Variants in ZNF57 observed in about 807,000 individuals in gnomAD.
The protein encoded by ZNF57 is zinc finger protein 424.
Under a neutral mutation model 13.4 loss-of-function variants are expected in ZNF57, and 11 were observed. The observed-to-expected ratio is 0.82, with a 90% CI of 0.52 to 1.36. ZNF57 has a LOEUF of 1.36. Ranked by LOEUF, ZNF57 falls within the 40% of genes most tolerant of loss-of-function variation. The pLI is 0.00. For missense variants in ZNF57, 696 were observed against 667.5 expected, an observed-to-expected ratio of 1.04 and a Z score of -0.47; for synonymous variants, 224 against 238.5, an observed-to-expected ratio of 0.94 and a Z score of 0.56.
intron 1 of ZNF57, among the ~76,000 whole-genome samples, chr19:2,908,996 A>C (rs532901096): frequency 6.6e-6 from 1 of 152,126 alleles, no homozygotes; most frequent in African/African-American, 2.4e-5. Context: ...CTCACTGGGC[A>C]TGTTTTCAGG....
At chr19:2,916,372 T>A (rs1599604429) in intron 3 of ZNF57, 123 bp downstream of exon 3, 41 of 877,280 alleles carry the variant, frequency 4.7e-5, no homozygotes, top group Admixed American at 6.7e-5. Context: ...AAAAAAAAAA[T>A]TTGTATTTGA....
At chr19:2,909,281 G>GTTTTTTTTT (rs753880478) in intron 1 of ZNF57, among the ~76,000 whole-genome samples, 3 of 107,166 alleles carry the variant, frequency 2.8e-5, no homozygotes, top group Non-Finnish European at 3.6e-5. Context: ...ATTTATTTTT[G>GTTTTTTTTT]TTTTTTTTTT....
In ZNF57 at chr19:2,913,022, C is replaced by G. The variant is rs552795257; in HGVS notation, c.4-2500C>G. ...AGGCTGGAGTGCAATGGTGCGATCT[C>G]GGCTCACTGCAACCTCTGCCTCCTG... On this transcript the variant is annotated intron_variant, in intron 1 of 3. Transcript: ENST00000306908. Among the ~76,000 whole-genome samples the G allele has an allele frequency of 2.2e-4, 34 of 152,284 alleles. 1 individual carries two copies. The highest frequency in any genetic ancestry group is 7.7e-4 in the African/African-American group (32 of 41,562).
intron 1 of ZNF57, among the ~76,000 whole-genome samples, chr19:2,901,812 C>G (rs536186544): frequency 1.3e-5 from 2 of 152,146 alleles, no homozygotes; most frequent in Non-Finnish European, 2.9e-5. Context: ...CCACCGCGCC[C>G]GGCAATCATT....
intron 1 of ZNF57, among the ~76,000 whole-genome samples, chr19:2,904,234 C>G (rs531482646): frequency 1.3e-5 from 2 of 152,324 alleles, no homozygotes; most frequent in East Asian, 3.9e-4. Context: ...TCTGTGGTTT[C>G]TTTCCTTTGC....
rs187243424 is a variant in ZNF57, at chr19:2,912,586, T to G, written c.4-2936T>G. ...AGGGGGCAGAGCTTGCCTTGTGACATCAGTTCTCTGAAGGATGGAAGAAGA... is the reference window on the plus strand; with the variant it reads ...AGGGGGCAGAGCTTGCCTTGTGACAGCAGTTCTCTGAAGGATGGAAGAAGA... On this transcript the variant is annotated intron_variant, in intron 1 of 3. Coordinates refer to ENST00000306908, the MANE Select transcript of ZNF57 (RefSeq NM_173480.3). Among the ~76,000 whole-genome samples the G allele has an allele frequency of 1.1e-3, 170 of 152,354 alleles. 2 individuals carry two copies. The Middle Eastern group carries it at 0.02, about 18-fold the overall frequency.
At chr19:2,902,055 C>G (rs866019134) in intron 1 of ZNF57, among the ~76,000 whole-genome samples, 1 of 149,716 alleles carries the variant, frequency 6.7e-6, no homozygotes, top group African/African-American at 2.5e-5. Flanking sequence ...GCGAGGAGGA[C>G]GTATCGTACA....
chr19:2,903,139 T>A (rs1026308068), intron 1 of ZNF57, among the ~76,000 whole-genome samples: 1 of 152,212 alleles, frequency 6.6e-6, no homozygotes, highest in Non-Finnish European at 1.5e-5. Flanking sequence ...GATGTGCTTG[T>A]GGGCGTTTTA....
At chr19:2,903,139 T>C (rs1026308068) in intron 1 of ZNF57, among the ~76,000 whole-genome samples, 1 of 152,212 alleles carries the variant, frequency 6.6e-6, no homozygotes, top group Non-Finnish European at 1.5e-5. Flanking sequence ...GATGTGCTTG[T>C]GGGCGTTTTA....
intron 1 of ZNF57, among the ~76,000 whole-genome samples, chr19:2,904,323 A>G (rs2088055304): frequency 6.6e-6 from 1 of 152,048 alleles, no homozygotes; most frequent in African/African-American, 2.4e-5. Flanking sequence ...GGTTAATTCA[A>G]GTGTGTTCAT....
chr19:2,917,532 G>C lies in ZNF57; in HGVS notation c.911G>C (p.Gly304Ala). 2 of 1,613,968 alleles carry C rather than the reference G, an allele frequency of 1.2e-6. No homozygotes were observed. Among genetic ancestry groups the C allele is most frequent in the Non-Finnish European group, 8.5e-7 (1 of 1,179,956 alleles). ...AFQRHEKTHTGEKPYECKQCG... is the reference protein window; with the variant it reads ...AFQRHEKTHTAEKPYECKQCG... ...CAAAGACATGAGAAGACGCACACGG[G>C]AGAGAAGCCCTATGAATGCAAGCAG... The change falls in exon 4 of 4, where the codon GGA (glycine) becomes GCA (alanine). Residue 304 changes from glycine (G) to alanine (A), a missense_variant. Coordinates refer to ENST00000306908, the MANE Select transcript of ZNF57 (RefSeq NM_173480.3).
intron 1 of ZNF57, among the ~76,000 whole-genome samples, chr19:2,904,314 G>A (rs2088055271): frequency 1.3e-5 from 2 of 152,154 alleles, no homozygotes; most frequent in Admixed American, 1.3e-4. Context: ...TCAGGCTTGG[G>A]TTAATTCAAG....
At position 2,917,205 on chromosome 19, in the gene ZNF57, C is replaced by A. The variant is rs776263939; in HGVS notation, c.584C>A (p.Pro195Gln). 6.2e-7 allele frequency: 1 copy of A among 1,614,178 alleles called. No homozygotes were observed. The highest frequency in any genetic ancestry group is 8.5e-7 in the Non-Finnish European group (1 of 1,180,040). ...SHGRTDTEEK[P>Q]YKCQACGQTF... ...GGAAGAACTGACACTGAGGAGAAGC[C>A]GTATAAGTGTCAAGCATGTGGGCAA... The change falls in exon 4 of 4, where the codon CCG (proline) becomes CAG (glutamine). Residue 195 changes from proline (P) to glutamine (Q), a missense_variant. Physicochemically the swap from Pro to Gln is moderately conservative, Grantham distance 76. Around this residue, in one of 3 missense-constraint regions of ZNF57, gnomAD observed 645 missense variants for 591.5 expected, o/e 1.09. Transcript: ENST00000306908.
At chr19:2,904,934 CTT>C (rs1193178863) in intron 1 of ZNF57, among the ~76,000 whole-genome samples, 1 of 152,168 alleles carries the variant, frequency 6.6e-6, no homozygotes, top group Non-Finnish European at 1.5e-5. Flanking sequence ...GGGCTCTGCT[CTT>C]GTCATTCACA....
chr19:2,914,203 T>C (rs1358410614), intron 1 of ZNF57, among the ~76,000 whole-genome samples: 1 of 152,162 alleles, frequency 6.6e-6, no homozygotes. Flanking sequence ...GAAAAAAGAA[T>C]GGGTGTTTAT....
intron 1 of ZNF57, among the ~76,000 whole-genome samples, chr19:2,909,187 A>G (rs953325602): frequency 1.3e-5 from 2 of 151,834 alleles, no homozygotes; most frequent in Non-Finnish European, 2.9e-5. Context: ...AATGTTTTCA[A>G]ATTTCTTCAG....
chr19:2,900,938 C>T lies in ZNF57; in HGVS notation c.-108C>T, dbSNP rs1003473067. On this transcript the variant is annotated 5_prime_UTR_variant, in exon 1 of 4. Transcript: ENST00000306908. Reference sequence around the variant, plus strand: ...GCGGGACGTTTCGTCCTCCCTGCCGCGCGTGCCCTGCCTACCACGAGCGGC... The same window carrying T: ...GCGGGACGTTTCGTCCTCCCTGCCGTGCGTGCCCTGCCTACCACGAGCGGC... The T allele has an allele frequency of 3.8e-5, 54 of 1,436,866 alleles. No homozygotes were observed. The South Asian group carries it at 5.1e-4, about 13-fold the overall frequency. The allele number at this position is 1,436,866 out of a possible 1,614,324, so 89.0% of individuals were successfully genotyped here. A position where few individuals can be genotyped will look rare whatever the true frequency, so the allele number is the denominator to read the frequency against.
chr19:2,908,461 G>GTTTTTTTTTTTTTTTTTTTTTT (rs60289248), intron 1 of ZNF57, among the ~76,000 whole-genome samples: 1 of 122,626 alleles, frequency 8.2e-6, no homozygotes, highest in Admixed American at 9.3e-5. Context: ...TATTTTTTTG[G>GTTTTTTTTTTTTTTTTTTTTTT]TTTTTTTTTT....
At chr19:2,907,630 G>T (rs1393289772) in intron 1 of ZNF57, among the ~76,000 whole-genome samples, 1 of 152,164 alleles carries the variant, frequency 6.6e-6, no homozygotes, top group African/African-American at 2.4e-5. Context: ...CCTGTGTTAG[G>T]TAAGCCTTCA....
Sources: allele counts gnomAD v4.1 joint callset (sites outside exome capture counted in the v4.1 genomes callset), GRCh38; gene constraint gnomAD v4.1.1; regional missense constraint gnomAD v4.1.1; transcripts MANE v1.5; gene names NCBI Gene and HGNC (gene_info 2026-07-23, HGNC 2026-07-21).